Variants in NEGR1 observed in about 807,000 individuals in gnomAD.
NEGR1 encodes neuronal growth regulator 1, also known as IgLON family member 4.
Under a neutral mutation model 40.9 loss-of-function variants are expected in NEGR1, and 10 were observed. The ratio of observed to expected loss-of-function variants is 0.24; its 90% CI spans 0.15 to 0.42. NEGR1 has a LOEUF of 0.42. Ranked by LOEUF, NEGR1 falls within the 10% of genes least tolerant of loss-of-function variation. The pLI, the probability that NEGR1 is intolerant of heterozygous loss-of-function variation, is 1.00. For missense variants in NEGR1, 352 were observed against 438.9 expected (o/e 0.80, Z 1.77); for synonymous variants, 185 against 166.8 (o/e 1.11, Z -0.84).
intron 1 of NEGR1, among the ~76,000 whole-genome samples, chr1:72,071,508 A>G (rs1175104344): frequency 6.6e-6 from 1 of 152,082 alleles, no homozygotes; most frequent in Non-Finnish European, 1.5e-5. Flanking sequence ...ATGTTCATCC[A>G]GGCAAAAAAT....
chr1:71,500,474 C>T (rs78176990), intron 6 of NEGR1, among the ~76,000 whole-genome samples: 2,182 of 152,054 alleles, frequency 0.014, 30 homozygotes, highest in South Asian at 0.029. Flanking sequence ...TAATCAATTT[C>T]GTCACATTAC....
chr1:71,661,973 C>A (rs1415744694), intron 4 of NEGR1, among the ~76,000 whole-genome samples: 1 of 152,134 alleles, frequency 6.6e-6, no homozygotes, highest in East Asian at 1.9e-4. Context: ...GTACCGACTA[C>A]CTCTTAGACT....
At chr1:71,942,463 A>ATC (rs1645969487) in intron 1 of NEGR1, among the ~76,000 whole-genome samples, 3 of 8,052 alleles carry the variant, frequency 3.7e-4, no homozygotes, top group Admixed American at 1.6e-3. Flanking sequence ...ATCTATATAT[A>ATC]TATATATATA....
intron 4 of NEGR1, among the ~76,000 whole-genome samples, chr1:71,652,599 T>C (rs2101583465): frequency 6.6e-6 from 1 of 152,174 alleles, no homozygotes; most frequent in Admixed American, 6.5e-5. Context: ...TGGCCCGGTG[T>C]GGTGGCTCAC....
chr1:72,266,658 T>A (rs991582661), intron 1 of NEGR1, among the ~76,000 whole-genome samples: 1 of 150,654 alleles, frequency 6.6e-6, no homozygotes, highest in East Asian at 1.9e-4. Context: ...AATGTGTGTA[T>A]GTATATACAT....
intron 6 of NEGR1, among the ~76,000 whole-genome samples, chr1:71,421,050 C>T (rs1023138712): frequency 2.0e-5 from 3 of 151,942 alleles, no homozygotes; most frequent in Admixed American, 1.3e-4. Context: ...ATGCTTTCTT[C>T]ACATCTTTCA....
chr1:72,216,423 C>G (rs12062477), intron 1 of NEGR1, among the ~76,000 whole-genome samples: 1 of 130,814 alleles, frequency 7.6e-6, no homozygotes, highest in African/African-American at 3.4e-5. Flanking sequence ...ATATGTATAT[C>G]TATATACACA....
chr1:71,761,907 A>T (rs895277654), intron 3 of NEGR1, among the ~76,000 whole-genome samples: 6 of 152,102 alleles, frequency 3.9e-5, no homozygotes, highest in African/African-American at 1.4e-4. Context: ...ATAGGTAAAT[A>T]CAAAATACTT....
At chr1:71,439,171 A>G (rs976375669) in intron 6 of NEGR1, among the ~76,000 whole-genome samples, 3 of 152,010 alleles carry the variant, frequency 2.0e-5, no homozygotes, top group Non-Finnish European at 2.9e-5. Flanking sequence ...GTGTTTTCCA[A>G]GCAGTGTATA....
At chr1:71,782,714 A>G (rs2101725662) in intron 2 of NEGR1, among the ~76,000 whole-genome samples, 1 of 152,302 alleles carries the variant, frequency 6.6e-6, no homozygotes, top group African/African-American at 2.4e-5. Flanking sequence ...ATAAAATTTT[A>G]TACCATTGCA....
intron 1 of NEGR1, among the ~76,000 whole-genome samples, chr1:72,062,050 C>T (rs1030604127): frequency 1.3e-5 from 2 of 151,848 alleles, no homozygotes; most frequent in African/African-American, 4.8e-5. Context: ...CACTTTATTG[C>T]ATCAGGAATA....
chr1:72,035,646 G>T (rs1646895780), intron 1 of NEGR1, among the ~76,000 whole-genome samples: 1 of 152,128 alleles, frequency 6.6e-6, no homozygotes. Flanking sequence ...ACCTTTGGGT[G>T]AAGCATACTC....
In NEGR1 at chr1:71,540,509, A is replaced by G. The variant is rs949398351; in HGVS notation, c.940+52308T>C. Among the ~76,000 whole-genome samples the G allele has an allele frequency of 3.3e-5, 5 of 151,706 alleles. 1 individual carries two copies. Among genetic ancestry groups the G allele is most frequent in the African/African-American group, 1.2e-4 (5 of 41,374 alleles). The stretch of plus-strand genomic sequence containing the variant: ...ATGATTATAGAGAGGAATGGCTTTT[A>G]GTTATTGCTTCTGATTTTTTTGTTT... On this transcript the variant is annotated intron_variant, in intron 6 of 6. Transcript: ENST00000357731.
intron 1 of NEGR1, among the ~76,000 whole-genome samples, chr1:72,066,188 T>A (rs1043020135): frequency 1.6e-4 from 25 of 152,248 alleles, no homozygotes; most frequent in African/African-American, 5.8e-4. Flanking sequence ...ATAAGAAGAC[T>A]GAGGCATCGG....
intron 4 of NEGR1, among the ~76,000 whole-genome samples, chr1:71,654,407 A>G (rs957847019): frequency 1.3e-5 from 2 of 152,190 alleles, no homozygotes; most frequent in African/African-American, 4.8e-5. Flanking sequence ...AAATATTAAT[A>G]ATACCGAAAG....
intron 1 of NEGR1, among the ~76,000 whole-genome samples, chr1:71,971,835 A>G (rs1220139561): frequency 6.6e-6 from 1 of 152,190 alleles, no homozygotes; most frequent in East Asian, 1.9e-4. Context: ...CACTTTTATC[A>G]TAATATTTTC....
intron 1 of NEGR1, among the ~76,000 whole-genome samples, chr1:72,252,909 T>C (rs528260465): frequency 6.6e-6 from 1 of 152,294 alleles, no homozygotes; most frequent in African/African-American, 2.4e-5. Flanking sequence ...AGCAATTACA[T>C]TGCGAAGGAA....
chr1:71,941,372 A>G (rs1466694072), intron 1 of NEGR1, among the ~76,000 whole-genome samples: 1 of 152,124 alleles, frequency 6.6e-6, no homozygotes, highest in African/African-American at 2.4e-5. Context: ...GATATCTTTC[A>G]TGAGAGTTGA....
chr1:71,527,397 CA>C (rs1647229747), intron 6 of NEGR1, among the ~76,000 whole-genome samples: 1 of 137,890 alleles, frequency 7.3e-6, no homozygotes, highest in Non-Finnish European at 1.6e-5. Context: ...TCCATCCATC[CA>C]ACCACCATCC....
Sources: allele counts gnomAD v4.1 joint callset (sites outside exome capture counted in the v4.1 genomes callset), GRCh38; gene constraint gnomAD v4.1.1; transcripts MANE v1.5; gene names NCBI Gene and HGNC (gene_info 2026-07-23, HGNC 2026-07-21).